PKHD1: variants seen among roughly 807,000 people sequenced by gnomAD.
PKHD1 encodes the protein PKHD1 ciliary IPT domain containing fibrocystin/polyductin.
In PKHD1, 291 loss-of-function variants were observed where a neutral mutation model predicts 412.0. The ratio of observed to expected loss-of-function variants is 0.71; its 90% CI spans 0.64 to 0.78. PKHD1 has a LOEUF of 0.78. Ranked by LOEUF, PKHD1 falls within the 30% of genes least tolerant of loss-of-function variation. The pLI, the probability that PKHD1 is intolerant of heterozygous loss-of-function variation, is 0.00. For missense variants in PKHD1, 4,825 were observed against 4,950.7 expected (o/e 0.97, Z 0.76); for synonymous variants, 1,777 against 1,821.5 (o/e 0.98, Z 0.62).
Position 52,061,409 on chromosome 6 carries a change from T to A in PKHD1, c.1118+1110A>T, listed in dbSNP as rs1366245157. On this transcript the variant is annotated intron_variant, in intron 14 of 66. Transcript: ENST00000371117. ...GTCCCAAACTCCTAGACTCAGGCGA[T>A]CCTCCTGTCTCAGCCTCCCAAGTAG... 2.6e-5 allele frequency among the ~76,000 whole-genome samples: 4 copies of A among 152,104 alleles called. No individual in the cohort carries two copies. The East Asian group carries it at 5.8e-4, about 22-fold the overall frequency.
At chr6:51,863,598 T>G (rs1774552959) in intron 48 of PKHD1, among the ~76,000 whole-genome samples, 1 of 152,154 alleles carries the variant, frequency 6.6e-6, no homozygotes, top group Non-Finnish European at 1.5e-5. Context: ...AGGGGTTGGA[T>G]AGAGAAGGAA....
At chr6:51,696,704 C>G (rs1193533453) in intron 60 of PKHD1, among the ~76,000 whole-genome samples, 1 of 152,138 alleles carries the variant, frequency 6.6e-6, no homozygotes, top group Non-Finnish European at 1.5e-5. Flanking sequence ...AGGTGGAACA[C>G]AGGGGAATGT....
rs182926577 is a variant in PKHD1 at position 51,635,754 on chromosome 6, A to T, written c.11507-3031T>A. Among the ~76,000 whole-genome samples the T allele has an allele frequency of 4.7e-3, 717 of 151,662 alleles. 4 individuals carry two copies. Among genetic ancestry groups the T allele is most frequent in the African/African-American group, 0.016 (680 of 41,350 alleles). On this transcript the variant is annotated intron_variant, in intron 64 of 66. Coordinates refer to ENST00000371117, the MANE Select transcript of PKHD1 (RefSeq NM_138694.4). The stretch of plus-strand genomic sequence containing the variant: ...AGGAGATATTTGAGAAGAAATCTGA[A>T]TGAGCTGAGTTAGCCACGTGACTTT...
At chr6:51,688,499 A>T (rs1777735550) in intron 60 of PKHD1, among the ~76,000 whole-genome samples, 1 of 152,054 alleles carries the variant, frequency 6.6e-6, no homozygotes, top group African/African-American at 2.4e-5. Flanking sequence ...TGAAAGAGAT[A>T]GAAACACACA....
chr6:51,763,045 C>T (rs1788311045), intron 55 of PKHD1, among the ~76,000 whole-genome samples: 1 of 151,950 alleles, frequency 6.6e-6, no homozygotes, highest in Non-Finnish European at 1.5e-5. Flanking sequence ...TGTATAAACT[C>T]ATTAAATTAT....
At chr6:51,718,976 C>T (rs989050262) in intron 60 of PKHD1, among the ~76,000 whole-genome samples, 1 of 152,016 alleles carries the variant, frequency 6.6e-6, no homozygotes, top group Non-Finnish European at 1.5e-5. Context: ...TATTTCATGG[C>T]TTTATTTAAT....
intron 5 of PKHD1, among the ~76,000 whole-genome samples, chr6:52,079,346 T>C (rs572563338): frequency 4.7e-4 from 71 of 152,252 alleles, no homozygotes; most frequent in Admixed American, 1.4e-3. Context: ...TTTGGTTCAG[T>C]GTTGGAAAGA....
intron 2 of PKHD1, among the ~76,000 whole-genome samples, chr6:52,084,588 T>G (rs1812486961): frequency 6.6e-6 from 1 of 152,208 alleles, no homozygotes; most frequent in South Asian, 2.1e-4. Flanking sequence ...ACTACAACAA[T>G]AATCTTCACT....
Position 51,710,871 on chromosome 6 carries a change from G to T in PKHD1, c.10156+33514C>A, listed in dbSNP as rs187155359. Among the ~76,000 whole-genome samples the T allele has an allele frequency of 5.1e-4, 77 of 152,218 alleles. No individual in the cohort carries two copies. In the East Asian group the frequency reaches 0.011, roughly 22 times the overall value. Reference sequence around the variant, plus strand: ...CACAGCTAGTATGTGCAACAGATGGGATCTCAATTCAGATCTTTCTGAGTT... The same window carrying T: ...CACAGCTAGTATGTGCAACAGATGGTATCTCAATTCAGATCTTTCTGAGTT... On this transcript the variant is annotated intron_variant, in intron 60 of 66. Coordinates refer to ENST00000371117, the MANE Select transcript of PKHD1 (RefSeq NM_138694.4).
At chr6:51,774,297 C>A (rs987252554) in intron 54 of PKHD1, among the ~76,000 whole-genome samples, 4 of 151,896 alleles carry the variant, frequency 2.6e-5, no homozygotes, top group Non-Finnish European at 4.4e-5. Context: ...TTTGAGCATG[C>A]AGTAAAAGAA....
At chr6:51,997,507 A>G (rs1399000424) in intron 35 of PKHD1, among the ~76,000 whole-genome samples, 1 of 152,262 alleles carries the variant, frequency 6.6e-6, no homozygotes, top group Non-Finnish European at 1.5e-5. Flanking sequence ...AACAGATTAT[A>G]GAGAGCTATG....
At chr6:51,836,600 C>A in intron 50 of PKHD1, 131 bp from the exon 51 acceptor site, 1 of 700,416 alleles carries the variant, frequency 1.4e-6, no homozygotes. Flanking sequence ...AAAATGAAAT[C>A]CTTGTTAGTT....
rs199643308 is a variant in PKHD1 at position 52,025,993 on chromosome 6, C to G, written c.3817G>C (p.Ala1273Pro). The G allele has an allele frequency of 9.3e-6, 15 of 1,614,036 alleles. No homozygotes were observed. Among genetic ancestry groups the G allele is most frequent in the Admixed American group, 5.0e-5 (3 of 60,008 alleles). ...CCACGGGCGAAGAACCTGTTGCCAG[C>G]CCAGACCTCCACGGCAGCTGGAACA... ...PTVPAAVEVWAGNRFFARGPS... is the reference protein window; with the variant it reads ...PTVPAAVEVWPGNRFFARGPS... Residue 1273 changes from alanine to proline, a missense_variant, in exon 32 of 67, where the codon GCT becomes CCT. Coordinates refer to ENST00000371117, the MANE Select transcript of PKHD1 (RefSeq NM_138694.4).
chr6:52,023,084 C>A, intron 32 of PKHD1, 140 bp from the exon 33 acceptor site: 1 of 938,738 alleles, frequency 1.1e-6, no homozygotes, highest in Non-Finnish European at 1.7e-6. Context: ...CTTGAGGTGG[C>A]TGCTGGCCTC....
At chr6:51,901,605 G>C (rs1470473536) in intron 43 of PKHD1, among the ~76,000 whole-genome samples, 1 of 150,626 alleles carries the variant, frequency 6.6e-6, no homozygotes, top group Admixed American at 6.6e-5. Context: ...CACCAGCATG[G>C]CACATGTATA....
chr6:51,758,316 C>T (rs1371010157), intron 55 of PKHD1, among the ~76,000 whole-genome samples: 1 of 152,050 alleles, frequency 6.6e-6, no homozygotes, highest in Non-Finnish European at 1.5e-5. Flanking sequence ...CGTCTATGTC[C>T]ATATAGCAAC....
At chr6:51,968,751 C>T (rs1793217974) in intron 35 of PKHD1, among the ~76,000 whole-genome samples, 1 of 152,190 alleles carries the variant, frequency 6.6e-6, no homozygotes, top group Non-Finnish European at 1.5e-5. Context: ...TTAAGTGAAA[C>T]ACATGGAGCC....
At chr6:51,999,190 G>C (rs985663599) in intron 35 of PKHD1, among the ~76,000 whole-genome samples, 3 of 152,186 alleles carry the variant, frequency 2.0e-5, no homozygotes, top group East Asian at 1.9e-4. Flanking sequence ...GTTAATGCAA[G>C]TTAACATCCA....
At chr6:51,686,777 A>G (rs918865389) in intron 60 of PKHD1, among the ~76,000 whole-genome samples, 1 of 152,148 alleles carries the variant, frequency 6.6e-6, no homozygotes, top group Non-Finnish European at 1.5e-5. Context: ...GAATAAACTT[A>G]ATGCATCCAT....
Sources: allele counts gnomAD v4.1 joint callset (sites outside exome capture counted in the v4.1 genomes callset), GRCh38; gene constraint gnomAD v4.1.1; transcripts MANE v1.5; gene names NCBI Gene and HGNC (gene_info 2026-07-23, HGNC 2026-07-21).